Variants in IGSF11 observed in about 807,000 individuals in gnomAD.
IGSF11 encodes CXADR like 1.
A neutral mutation model predicts 41.0 loss-of-function variants in IGSF11; 22 were observed. The observed-to-expected ratio is 0.54, with a 90% CI of 0.38 to 0.77. The LOEUF (loss-of-function observed/expected upper bound fraction) is 0.77, where lower values mean the gene tolerates loss of function less well. Among genes scored for constraint, IGSF11 ranks in the 30% least tolerant of loss-of-function variants. The pLI is 0.00. For synonymous variants in IGSF11, 219 were observed against 201.3 expected, an observed-to-expected ratio of 1.09 and a Z score of -0.74; for missense variants, 444 against 530.8, an observed-to-expected ratio of 0.84 and a Z score of 1.61.
intron 1 of IGSF11, among the ~76,000 whole-genome samples, chr3:119,143,817 A>G (rs2077681365): frequency 6.6e-6 from 1 of 152,194 alleles, no homozygotes; most frequent in Non-Finnish European, 1.5e-5. Flanking sequence ...CTGCTATACT[A>G]TTATCAGACA....
intron 1 of IGSF11, among the ~76,000 whole-genome samples, chr3:119,111,921 C>T (rs1322707308): frequency 1.3e-5 from 2 of 152,206 alleles, no homozygotes; most frequent in Non-Finnish European, 2.9e-5. Flanking sequence ...TCGTGAACCA[C>T]GAATGCTGCT....
At chr3:118,967,612 A>T (rs911713044) in intron 1 of IGSF11, among the ~76,000 whole-genome samples, 1 of 152,124 alleles carries the variant, frequency 6.6e-6, no homozygotes, top group Admixed American at 6.5e-5. Flanking sequence ...TAGGAATTCA[A>T]CTTAGAAATT....
At position 118,999,751 on chromosome 3, in the gene IGSF11, A is replaced by G. The variant is rs1204773493; in HGVS notation, c.52+34780T>C. Among the ~76,000 whole-genome samples the G allele has an allele frequency of 3.3e-5, 5 of 152,208 alleles. 1 individual carries two copies. The East Asian group carries it at 9.6e-4, about 29-fold the overall frequency. On this transcript the variant is annotated intron_variant, in intron 1 of 6. Coordinates refer to ENST00000393775, the MANE Select transcript of IGSF11 (RefSeq NM_001015887.3). ...CTTAATAATACAATATCCATTTAAA[A>G]TCCATATCTTATTCACGTTATCTTT...
intron 1 of IGSF11, among the ~76,000 whole-genome samples, chr3:118,934,898 C>T (rs949163354): frequency 3.9e-5 from 6 of 152,180 alleles, no homozygotes; most frequent in African/African-American, 1.4e-4. Context: ...TGTCTTTCCT[C>T]TGTCTGGTTT....
chr3:119,068,999 T>C (rs1179638938), intron 1 of IGSF11, among the ~76,000 whole-genome samples: 1 of 146,756 alleles, frequency 6.8e-6, no homozygotes, highest in African/African-American at 2.5e-5. Context: ...CAATCTCAGC[T>C]CACTGCAAGC....
At chr3:119,091,055 A>C (rs930207433) in intron 1 of IGSF11, among the ~76,000 whole-genome samples, 2 of 152,232 alleles carry the variant, frequency 1.3e-5, no homozygotes, top group Non-Finnish European at 2.9e-5. Context: ...GGACATGAAT[A>C]GACACTTCTC....
intron 1 of IGSF11, among the ~76,000 whole-genome samples, chr3:118,945,283 C>T (rs1398739413): frequency 6.6e-6 from 1 of 152,106 alleles, no homozygotes; most frequent in Non-Finnish European, 1.5e-5. Flanking sequence ...TCAAACTTCT[C>T]AAGAAAATTG....
intron 1 of IGSF11, among the ~76,000 whole-genome samples, chr3:119,117,197 C>CAA (rs759966280): frequency 3.0e-4 from 41 of 135,480 alleles, no homozygotes; most frequent in African/African-American, 5.1e-4. Flanking sequence ...TGGAAGTTAT[C>CAA]AAAAAAAAAA....
At chr3:119,107,654 C>T (rs1471498442), upstream of IGSF11, among the ~76,000 whole-genome samples, 30 of 152,078 alleles carry the variant, frequency 2.0e-4, no homozygotes, top group African/African-American at 5.5e-4. Flanking sequence ...AGACATGAAG[C>T]TCTTGCCCAT....
At chr3:119,091,902 G>GA (rs1351680939) in intron 1 of IGSF11, among the ~76,000 whole-genome samples, 1 of 148,572 alleles carries the variant, frequency 6.7e-6, no homozygotes. Flanking sequence ...TTTAAAAATA[G>GA]AAAAAAACTT....
intron 1 of IGSF11, among the ~76,000 whole-genome samples, chr3:118,959,169 T>C (rs1053859878): frequency 6.6e-6 from 1 of 152,182 alleles, no homozygotes; most frequent in Non-Finnish European, 1.5e-5. Context: ...CATTCTGCAA[T>C]GTGTGTAGAA....
At chr3:119,125,391 A>T (rs547101328) in intron 1 of IGSF11, among the ~76,000 whole-genome samples, 1 of 152,210 alleles carries the variant, frequency 6.6e-6, no homozygotes, top group East Asian at 1.9e-4. Flanking sequence ...GGGTGGTGGG[A>T]TTATCATTGG....
intron 1 of IGSF11, among the ~76,000 whole-genome samples, chr3:118,951,718 C>T (rs913828814): frequency 6.6e-6 from 1 of 152,100 alleles, no homozygotes; most frequent in African/African-American, 2.4e-5. Context: ...GCTTAAGTCT[C>T]TTATATAAGA....
intron 1 of IGSF11, among the ~76,000 whole-genome samples, chr3:118,936,581 A>T (rs1943303633): frequency 6.6e-6 from 1 of 152,192 alleles, no homozygotes; most frequent in South Asian, 2.1e-4. Flanking sequence ...TTAAGAGCCA[A>T]AGTGACAGCA....
intron 1 of IGSF11, among the ~76,000 whole-genome samples, chr3:119,066,494 C>G (rs1163029711): frequency 3.3e-5 from 5 of 152,170 alleles, no homozygotes; most frequent in African/African-American, 4.8e-5. Flanking sequence ...ATTTTAGATT[C>G]TAAGTATGAT....
At chr3:118,906,306 G>A (rs1006719810) in intron 4 of IGSF11, among the ~76,000 whole-genome samples, 2 of 152,110 alleles carry the variant, frequency 1.3e-5, no homozygotes, top group African/African-American at 4.8e-5. Flanking sequence ...GAGAGCCTCA[G>A]ACTTCGGTGT....
At chr3:118,967,949 G>C (rs1945797430) in intron 1 of IGSF11, among the ~76,000 whole-genome samples, 1 of 152,082 alleles carries the variant, frequency 6.6e-6, no homozygotes, top group Non-Finnish European at 1.5e-5. Flanking sequence ...ATGTGACACA[G>C]GGTAGTTTCC....
At chr3:118,936,401 G>A (rs1330566989) in intron 1 of IGSF11, among the ~76,000 whole-genome samples, 2 of 151,944 alleles carry the variant, frequency 1.3e-5, no homozygotes, top group Non-Finnish European at 2.9e-5. Flanking sequence ...CAGCTACTTG[G>A]GAGGCTGAGG....
intron 1 of IGSF11, among the ~76,000 whole-genome samples, chr3:118,956,801 A>T (rs529913777): frequency 6.6e-6 from 1 of 152,214 alleles, no homozygotes; most frequent in Non-Finnish European, 1.5e-5. Flanking sequence ...TGTGACAAAG[A>T]AACACAAAGT....
Sources: gnomAD v4.1 joint callset for allele counts (sites outside exome capture counted in the v4.1 genomes callset) on GRCh38, gnomAD v4.1.1 for gene constraint, MANE v1.5 for transcripts, NCBI Gene and HGNC (gene_info 2026-07-23, HGNC 2026-07-21) for gene names.